ENTREP2: variants seen among roughly 807,000 people sequenced by gnomAD.
ENTREP2 encodes protein ENTREP2.
the ENTREP2 span, among the ~76,000 whole-genome samples, chr15:29,378,676 T>C: frequency 6.6e-6 from 1 of 152,182 alleles, no homozygotes; most frequent in Non-Finnish European, 1.5e-5. Context: ...CACTGCAGAC[T>C]TTCGAATTGC....
At chr15:29,296,885 A>G in the ENTREP2 span, among the ~76,000 whole-genome samples, 1 of 152,198 alleles carries the variant, frequency 6.6e-6, no homozygotes, top group Non-Finnish European at 1.5e-5. Context: ...ACTGTAGCAC[A>G]TGGGTCAAAT....
At chr15:29,653,108 A>G in the ENTREP2 span, among the ~76,000 whole-genome samples, 2 of 152,200 alleles carry the variant, frequency 1.3e-5, no homozygotes, top group African/African-American at 2.4e-5. Context: ...GCCAACTGGG[A>G]GTCCATATCA....
chr15:29,269,561 TC>T, the ENTREP2 span: 7 of 1,525,136 alleles, frequency 4.6e-6, no homozygotes, highest in Non-Finnish European at 6.1e-6. Context: ...CGGGACGTGC[TC>T]GGGGCCTCCT....
chr15:29,546,533 T>G, the ENTREP2 span, among the ~76,000 whole-genome samples: 1 of 152,106 alleles, frequency 6.6e-6, no homozygotes, highest in Non-Finnish European at 1.5e-5. Flanking sequence ...ATCGCCACTT[T>G]GTGAAAATAA....
chr15:29,447,908 C>CA, the ENTREP2 span, among the ~76,000 whole-genome samples: 55 of 151,442 alleles, frequency 3.6e-4, no homozygotes, highest in Admixed American at 1.1e-3. Context: ...GCTAAAAATA[C>CA]AAAAAAAATT....
At chr15:29,404,686 C>A in the ENTREP2 span, among the ~76,000 whole-genome samples, 1 of 151,818 alleles carries the variant, frequency 6.6e-6, no homozygotes, top group African/African-American at 2.4e-5. Context: ...CTGGCTCCAT[C>A]CTCCAGGGTA....
At chr15:29,133,577 C>T in the ENTREP2 span, among the ~76,000 whole-genome samples, 4 of 152,212 alleles carry the variant, frequency 2.6e-5, no homozygotes, top group Admixed American at 6.5e-5. Context: ...CCACGTGGCC[C>T]TGGATGTTAG....
At chr15:29,593,695 G>T in the ENTREP2 span, among the ~76,000 whole-genome samples, 1 of 152,152 alleles carries the variant, frequency 6.6e-6, no homozygotes, top group Non-Finnish European at 1.5e-5. Context: ...AACAGAGAAT[G>T]CTTTTCACAT....
At chr15:29,134,957 G>A in the ENTREP2 span, among the ~76,000 whole-genome samples, 2 of 152,114 alleles carry the variant, frequency 1.3e-5, no homozygotes, top group Non-Finnish European at 2.9e-5. Flanking sequence ...CGGTACCAGT[G>A]CCTGGCCAGT....
the ENTREP2 span, among the ~76,000 whole-genome samples, chr15:29,556,435 C>CAAGG: frequency 6.6e-6 from 1 of 152,030 alleles, no homozygotes; most frequent in East Asian, 1.9e-4. Flanking sequence ...TCATTCTTCA[C>CAAGG]AAGGAAGGAA....
chr15:29,401,522 G>A, the ENTREP2 span, among the ~76,000 whole-genome samples: 1 of 152,212 alleles, frequency 6.6e-6, no homozygotes, highest in Non-Finnish European at 1.5e-5. Context: ...GCAAAGGGCA[G>A]AGGGGAAAGA....
the ENTREP2 span, among the ~76,000 whole-genome samples, chr15:29,350,953 A>AAT: frequency 5.9e-5 from 9 of 152,186 alleles, no homozygotes; most frequent in South Asian, 8.3e-4. Flanking sequence ...TAAATAAATA[A>AAT]ATATATATAT....
the ENTREP2 span, among the ~76,000 whole-genome samples, chr15:29,521,082 A>G: frequency 6.6e-6 from 1 of 152,122 alleles, no homozygotes; most frequent in African/African-American, 2.4e-5. Context: ...GGTTGTCCCT[A>G]CTTGGTGGCA....
the ENTREP2 span, among the ~76,000 whole-genome samples, chr15:29,667,934 C>T: frequency 2.0e-5 from 3 of 152,072 alleles, no homozygotes; most frequent in Non-Finnish European, 4.4e-5. Flanking sequence ...TGAAACTATG[C>T]CCCAGAGGAT....
chr15:29,636,786 G>C, the ENTREP2 span, among the ~76,000 whole-genome samples: 1 of 152,096 alleles, frequency 6.6e-6, no homozygotes, highest in African/African-American at 2.4e-5. Context: ...CCCTAATTTT[G>C]TAAGACATGA....
chr15:29,155,078 C>T, the ENTREP2 span, among the ~76,000 whole-genome samples: 1,998 of 151,388 alleles, frequency 0.013, 42 homozygotes, highest in African/African-American at 0.042. Flanking sequence ...GTCAGGAGAT[C>T]GAGACCATCC....
At chr15:29,124,560 GGCAGCCCCCA>G in the ENTREP2 span, 1 of 717,658 alleles carries the variant, frequency 1.4e-6, no homozygotes, top group East Asian at 2.7e-5. Flanking sequence ...CCAGACAGTG[GGCAGCCCCCA>G]TTCCCGGGGG....
chr15:29,163,259 C>A, the ENTREP2 span, among the ~76,000 whole-genome samples: 2 of 152,028 alleles, frequency 1.3e-5, no homozygotes, highest in Non-Finnish European at 2.9e-5. Context: ...GGCTCTTGAA[C>A]AGCACCCCCC....
chr15:29,139,306 C>T, the ENTREP2 span, among the ~76,000 whole-genome samples: 39 of 152,328 alleles, frequency 2.6e-4, no homozygotes, highest in East Asian at 6.2e-3. Flanking sequence ...GACCGACCCA[C>T]GGCTGCGTGT....
Sources: allele counts gnomAD v4.1 joint callset (sites outside exome capture counted in the v4.1 genomes callset), GRCh38; gene constraint gnomAD v4.1.1; transcripts MANE v1.5; gene names NCBI Gene and HGNC (gene_info 2026-07-23, HGNC 2026-07-21).